The following TTLL7 variants were observed in gnomAD, a reference collection of about 807,000 sequenced individuals.
The protein encoded by TTLL7 is tubulin tyrosine ligase like 7.
TTLL7 carries 53 observed loss-of-function variants against 120.2 expected under a neutral mutation model. That is an observed-to-expected ratio of 0.44 (90% confidence interval 0.35 to 0.55). TTLL7 has a LOEUF of 0.55. Ranked by LOEUF, TTLL7 falls within the 20% of genes least tolerant of loss-of-function variation. The probability of loss-of-function intolerance (pLI) is 0.00; values close to 1 mark genes in which losing one functional copy is unlikely to be tolerated. For missense variants in TTLL7, 803 were observed against 1,054.7 expected (o/e 0.76, Z 3.31); for synonymous variants, 353 against 351.7 (o/e 1.00, Z -0.04).
At chr1:83,983,199 G>A (rs1459230325) in intron 1 of TTLL7, among the ~76,000 whole-genome samples, 1 of 152,020 alleles carries the variant, frequency 6.6e-6, no homozygotes, top group African/African-American at 2.4e-5. Context: ...GGGCATGGTG[G>A]CGCACACTGT....
At chr1:83,909,868 G>C (rs1657531246) in intron 15 of TTLL7, among the ~76,000 whole-genome samples, 1 of 151,892 alleles carries the variant, frequency 6.6e-6, no homozygotes, top group Non-Finnish European at 1.5e-5. Context: ...GACCAAATTT[G>C]GGCATAAAAA....
chr1:83,976,755 T>C (rs115243273), intron 1 of TTLL7, among the ~76,000 whole-genome samples: 7,120 of 152,196 alleles, frequency 0.047, 225 homozygotes, highest in Middle Eastern at 0.11. Flanking sequence ...CTAAATAGAC[T>C]GTTCCATTTC....
At chr1:83,878,200 TG>T (rs1455206403) in intron 20 of TTLL7, among the ~76,000 whole-genome samples, 5 of 151,070 alleles carry the variant, frequency 3.3e-5, no homozygotes, top group Non-Finnish European at 5.9e-5. Context: ...AATTTGGGTT[TG>T]TTTTTTTTTT....
At position 83,868,863 on chromosome 1, in the gene TTLL7, T is replaced by C. The variant is rs994795292; in HGVS notation, c.*1099A>G. The C allele has an allele frequency of 6.6e-6, 1 of 152,092 alleles. No homozygotes were observed. Among genetic ancestry groups the C allele is most frequent in the African/African-American group, 2.4e-5 (1 of 41,454 alleles). 9.4% of individuals were successfully genotyped at this position (152,092 alleles called of 1,614,324 possible). ...CATTTTCTGTTCCTTTATGTGATTA[T>C]GAAAAGTAAAAATGAAAGCTAGTTT... On this transcript the variant is annotated 3_prime_UTR_variant, in exon 21 of 21. Coordinates refer to ENST00000260505, the MANE Select transcript of TTLL7 (RefSeq NM_024686.6).
intron 13 of TTLL7, 98 bp from the exon 14 acceptor site, chr1:83,917,788 C>T: frequency 1.3e-6 from 1 of 757,728 alleles, no homozygotes; most frequent in Admixed American, 2.6e-5. Flanking sequence ...GCAAGGATTC[C>T]TGAAATTATT....
At chr1:83,915,343 C>A (rs1483847351) in intron 14 of TTLL7, among the ~76,000 whole-genome samples, 1 of 152,104 alleles carries the variant, frequency 6.6e-6, no homozygotes, top group Non-Finnish European at 1.5e-5. Flanking sequence ...TGCCGCAGGT[C>A]TACAACTATC....
At chr1:83,926,075 C>T (rs1367996714) in intron 10 of TTLL7, among the ~76,000 whole-genome samples, 5 of 148,720 alleles carry the variant, frequency 3.4e-5, no homozygotes, top group Non-Finnish European at 5.9e-5. Context: ...GAACCAAGAG[C>T]GCGCCACTGC....
chr1:83,980,581 G>A (rs1651864574), intron 1 of TTLL7: 1 of 152,106 alleles, frequency 6.6e-6, no homozygotes, highest in African/African-American at 2.4e-5. Flanking sequence ...AGACATTCTG[G>A]ACAAAGGAAA....
intron 13 of TTLL7, among the ~76,000 whole-genome samples, chr1:83,919,200 G>T (rs1455963028): frequency 6.6e-6 from 1 of 151,724 alleles, no homozygotes; most frequent in African/African-American, 2.4e-5. Context: ...AATAAATGAA[G>T]TGGTTTGTTA....
chr1:83,986,784 G>A (rs1427890182), intron 1 of TTLL7, among the ~76,000 whole-genome samples: 1 of 152,126 alleles, frequency 6.6e-6, no homozygotes, highest in Non-Finnish European at 1.5e-5. Flanking sequence ...AGGTTGCAGG[G>A]AGCCAAGATC....
At chr1:83,948,826 A>C in intron 4 of TTLL7, 131 bp from the exon 5 acceptor site, 2 of 609,760 alleles carry the variant, frequency 3.3e-6, no homozygotes, top group Non-Finnish European at 5.6e-6. Context: ...TAAAAGATTT[A>C]ATGTTAAATG....
At chr1:83,989,142 T>G (rs1347055313) in intron 1 of TTLL7, among the ~76,000 whole-genome samples, 1 of 152,234 alleles carries the variant, frequency 6.6e-6, no homozygotes, top group Admixed American at 6.5e-5. Flanking sequence ...CTGTCTACTC[T>G]GCTGTTAGTT....
chr1:83,908,382 T>C (rs1007582341), intron 15 of TTLL7, among the ~76,000 whole-genome samples: 3 of 152,072 alleles, frequency 2.0e-5, no homozygotes, highest in African/African-American at 7.2e-5. Context: ...TAACGGAGTT[T>C]AAATACAGAA....
In TTLL7 at chr1:83,919,746, C is replaced by T. The variant is rs1658489532; in HGVS notation, c.1453G>A (p.Ala485Thr). The change falls in exon 13 of 21, where the codon GCA becomes ACA. Residue 485 changes from alanine to threonine, a missense_variant. Ala to Thr is a moderately conservative substitution (Grantham distance 58, BLOSUM62 0). Coordinates refer to ENST00000260505, the MANE Select transcript of TTLL7 (RefSeq NM_024686.6). Reference sequence around the variant, plus strand: ...TTCAACTCTCGCTGGAATGAAGCTGCTCTTCCTGAAAGGAAGGTCTGAAAG... The same window carrying T: ...TTCAACTCTCGCTGGAATGAAGCTGTTCTTCCTGAAAGGAAGGTCTGAAAG... Reference protein sequence around the residue: ...VAFQTFLSGRAASFQRELNNP... With the variant: ...VAFQTFLSGRTASFQRELNNP... The T allele has an allele frequency of 2.5e-6, 4 of 1,612,890 alleles. No homozygotes were observed. The highest frequency in any genetic ancestry group is 2.2e-5 in the East Asian group (1 of 44,808).
intron 1 of TTLL7, among the ~76,000 whole-genome samples, chr1:83,954,856 A>G (rs1258779680): frequency 1.3e-5 from 2 of 151,366 alleles, no homozygotes; most frequent in East Asian, 3.9e-4. Flanking sequence ...CTGTTTTCCT[A>G]TCTAGTTCAA....
chr1:83,979,858 C>T (rs1651803096), intron 1 of TTLL7: 1 of 152,132 alleles, frequency 6.6e-6, no homozygotes, highest in Non-Finnish European at 1.5e-5. Context: ...GCTTGCAGGA[C>T]TTGCTTATGG....
intron 20 of TTLL7, among the ~76,000 whole-genome samples, chr1:83,873,997 AGT>A (rs1409949305): frequency 3.3e-5 from 5 of 152,236 alleles, no homozygotes; most frequent in African/African-American, 1.2e-4. Flanking sequence ...ACTATTAAAT[AGT>A]GTTTTTCTTA....
At chr1:83,918,422 T>C (rs372574115) in intron 13 of TTLL7, among the ~76,000 whole-genome samples, 1 of 152,160 alleles carries the variant, frequency 6.6e-6, no homozygotes, top group African/African-American at 2.4e-5. Flanking sequence ...CTGTATCATT[T>C]AGTTATTTAA....
At chr1:83,985,353 G>A (rs1008444775) in intron 1 of TTLL7, among the ~76,000 whole-genome samples, 1 of 152,190 alleles carries the variant, frequency 6.6e-6, no homozygotes, top group Non-Finnish European at 1.5e-5. Context: ...GCAGCCAGAA[G>A]GCTCAGCAAG....
Sources: gnomAD v4.1 joint callset for allele counts (sites outside exome capture counted in the v4.1 genomes callset) on GRCh38, gnomAD v4.1.1 for gene constraint, MANE v1.5 for transcripts, NCBI Gene and HGNC (gene_info 2026-07-23, HGNC 2026-07-21) for gene names.